SLCO4C1: variants seen among roughly 807,000 people sequenced by gnomAD.
The protein encoded by SLCO4C1 is organic anion transporter M1.
Under a neutral mutation model 72.1 loss-of-function variants are expected in SLCO4C1, and 58 were observed. The observed-to-expected ratio is 0.80, with a 90% CI of 0.65 to 1.00. The LOEUF (loss-of-function observed/expected upper bound fraction) is 1.00. Ranked by LOEUF, SLCO4C1 falls within the 50% of genes least tolerant of loss-of-function variation. SLCO4C1 has a pLI of 0.00. For synonymous variants in SLCO4C1, 297 were observed against 312.5 expected (o/e 0.95, Z 0.52); for missense variants, 898 against 857.9 (o/e 1.05, Z -0.58).
rs746119680 is a variant in SLCO4C1, at chr5:102,260,321, T to TA, written c.1022-3dup. ...TTCCAGCTTGAATTTCTGCTGTACC[T>TA]AAAAAAAAAATATATATATATATAT... is the stretch of plus-strand genomic sequence containing the variant. On this transcript the variant is annotated splice_polypyrimidine_tract_variant and splice_region_variant and intron_variant, in intron 5 of 12. Coordinates refer to ENST00000310954, the MANE Select transcript of SLCO4C1 (RefSeq NM_180991.5). The TA allele has an allele frequency of 6.2e-4, 253 of 405,860 alleles. No homozygotes were observed. Among genetic ancestry groups the TA allele is most frequent in the East Asian group, 8.5e-4 (14 of 16,414 alleles). 25.1% of individuals were successfully genotyped at this position (405,860 alleles called of 1,614,324 possible). A position where few individuals can be genotyped will look rare whatever the true frequency, so the allele number is the denominator to read the frequency against.
At chr5:102,269,620 T>C (rs529865593) in intron 3 of SLCO4C1, among the ~76,000 whole-genome samples, 3 of 152,270 alleles carry the variant, frequency 2.0e-5, no homozygotes, top group Admixed American at 6.5e-5. Context: ...TTTATCTGAG[T>C]TCCCTTGATA....
At chr5:102,274,399 A>T (rs1303263038) in intron 2 of SLCO4C1, among the ~76,000 whole-genome samples, 1 of 152,182 alleles carries the variant, frequency 6.6e-6, no homozygotes, top group Non-Finnish European at 1.5e-5. Flanking sequence ...AGACAAAAGG[A>T]AATCCACATA....
At chr5:102,274,784 C>G (rs1335084215) in intron 2 of SLCO4C1, among the ~76,000 whole-genome samples, 1 of 152,130 alleles carries the variant, frequency 6.6e-6, no homozygotes, top group African/African-American at 2.4e-5. Flanking sequence ...GGTAGCTGTA[C>G]TTTTCTTTCC....
chr5:102,258,765 CCA>C lies in SLCO4C1; in HGVS notation c.1129-680_1129-679del, dbSNP rs2112357544. On this transcript the variant is annotated intron_variant, in intron 6 of 12. Coordinates refer to ENST00000310954, the MANE Select transcript of SLCO4C1 (RefSeq NM_180991.5). ...AGCAAAACACAAACACACACACACACCACACACACACGGAGTCACAAAGGAGC... is the reference window on the plus strand; with the variant it reads ...AGCAAAACACAAACACACACACACACCACACACACGGAGTCACAAAGGAGC... Among the ~76,000 whole-genome samples, 3 of 151,298 alleles carry C rather than the reference CCA, an allele frequency of 2.0e-5. No individual in the cohort carries two copies. The East Asian group carries it at 5.8e-4, about 29-fold the overall frequency.
intron 2 of SLCO4C1, among the ~76,000 whole-genome samples, chr5:102,288,204 T>G (rs1043340003): frequency 6.6e-6 from 1 of 152,200 alleles, no homozygotes; most frequent in South Asian, 2.1e-4. Context: ...AACACGTATT[T>G]TGGGGATATA....
At chr5:102,282,982 T>C (rs1470989871) in intron 2 of SLCO4C1, among the ~76,000 whole-genome samples, 1 of 152,006 alleles carries the variant, frequency 6.6e-6, no homozygotes, top group Non-Finnish European at 1.5e-5. Context: ...TTCAAGATAT[T>C]TTCAAATGGC....
intron 2 of SLCO4C1, among the ~76,000 whole-genome samples, chr5:102,284,679 A>G (rs1392889976): frequency 1.3e-5 from 2 of 151,840 alleles, no homozygotes; most frequent in South Asian, 4.2e-4. Flanking sequence ...CATTTTTAAC[A>G]TATTCCTAAT....
intron 8 of SLCO4C1, among the ~76,000 whole-genome samples, chr5:102,255,395 C>A (rs767491621): frequency 3.4e-4 from 51 of 152,136 alleles, no homozygotes; most frequent in Admixed American, 1.7e-3. Flanking sequence ...GTTAAACTAT[C>A]CAGAACTTCC....
chr5:102,285,508 C>T (rs1351807163), intron 2 of SLCO4C1, among the ~76,000 whole-genome samples: 1 of 152,126 alleles, frequency 6.6e-6, no homozygotes, highest in Non-Finnish European at 1.5e-5. Context: ...TGGTCTCAAA[C>T]TCCTGGCCTC....
rs773846560 is a variant in SLCO4C1 at position 102,239,303 on chromosome 5, T to C, written c.1962A>G (p.Gly654=). 43 of 1,601,400 alleles carry C rather than the reference T, an allele frequency of 2.7e-5. No homozygotes were observed. Among genetic ancestry groups the C allele is most frequent in the Non-Finnish European group, 3.6e-5 (42 of 1,174,088 alleles). Residue 654 remains glycine, a synonymous_variant, in exon 12 of 13, where the codon GGA becomes GGG. Coordinates refer to ENST00000310954, the MANE Select transcript of SLCO4C1 (RefSeq NM_180991.5). ...TGATGTTATCATAAATCCAGCAAGC[T>C]CCTTTAATTCCACAATCATTTATAT... is the stretch of plus-strand genomic sequence containing the variant. ...LWDINDCGIK[G]ACWIYDNIKM...
chr5:102,247,133 G>T (rs1361843195), intron 10 of SLCO4C1, 119 bp downstream of exon 10: 14 of 645,434 alleles, frequency 2.2e-5, no homozygotes, highest in Non-Finnish European at 3.1e-5. Flanking sequence ...TAATGATCTT[G>T]TAAGGGCTGA....
chr5:102,250,175 C>T (rs1038406469), intron 8 of SLCO4C1, among the ~76,000 whole-genome samples: 3 of 152,196 alleles, frequency 2.0e-5, no homozygotes, highest in African/African-American at 7.2e-5. Context: ...TATCTCCATA[C>T]AGTGCCAAAT....
At chr5:102,248,068 T>G (rs989657043) in intron 9 of SLCO4C1, among the ~76,000 whole-genome samples, 22 of 151,334 alleles carry the variant, frequency 1.5e-4, no homozygotes, top group African/African-American at 5.4e-4. Flanking sequence ...AATTCAGCCT[T>G]TAAAAATTTT....
At chr5:102,247,172 C>A in intron 10 of SLCO4C1, 80 bp downstream of exon 10, 2 of 1,118,636 alleles carry the variant, frequency 1.8e-6, no homozygotes, top group Non-Finnish European at 2.5e-6. Flanking sequence ...TCAATATGAA[C>A]CCCAAATGAA....
chr5:102,251,215 G>A (rs17148203), intron 8 of SLCO4C1, among the ~76,000 whole-genome samples: 3,685 of 152,182 alleles, frequency 0.024, 164 homozygotes, highest in African/African-American at 0.085. Context: ...AAAGGTAATC[G>A]TTAAGGTATT....
intron 2 of SLCO4C1, among the ~76,000 whole-genome samples, chr5:102,286,288 A>G (rs13361155): frequency 1.3e-5 from 2 of 152,158 alleles, no homozygotes; most frequent in Non-Finnish European, 2.9e-5. Flanking sequence ...AAATAAAAAG[A>G]GCTTTACTAG....
At position 102,257,246 on chromosome 5, in the gene SLCO4C1, G is replaced by A; in HGVS notation, c.1338C>T (p.Phe446=). 2 of 1,609,478 alleles carry A rather than the reference G, an allele frequency of 1.2e-6. No homozygotes were observed. Among genetic ancestry groups the A allele is most frequent in the Non-Finnish European group, 1.7e-6 (2 of 1,178,226 alleles). The change falls in exon 8 of 13, where the codon TTC becomes TTT. Residue 446 remains phenylalanine, a synonymous_variant. Coordinates refer to ENST00000310954, the MANE Select transcript of SLCO4C1 (RefSeq NM_180991.5). The part of the protein sequence containing the change: ...QILGGFLVSK[F]RMTCKNTMKF... ...TCATTGTGTTTTTACATGTCATTCTGAATTTTGAAACAAGGAAGCCACCTA... is the reference window on the plus strand; with the variant it reads ...TCATTGTGTTTTTACATGTCATTCTAAATTTTGAAACAAGGAAGCCACCTA...
At chr5:102,294,125 T>C (rs1248938268) in intron 1 of SLCO4C1, among the ~76,000 whole-genome samples, 1 of 152,070 alleles carries the variant, frequency 6.6e-6, no homozygotes, top group African/African-American at 2.4e-5. Context: ...GCCAGGCTGG[T>C]CTCGAACTCC....
intron 10 of SLCO4C1, among the ~76,000 whole-genome samples, chr5:102,246,440 A>T (rs2112341605): frequency 6.6e-6 from 1 of 152,244 alleles, no homozygotes. Context: ...ACCTACCAAG[A>T]TGGAATCAAG....
Sources: gnomAD v4.1 joint callset for allele counts (sites outside exome capture counted in the v4.1 genomes callset) on GRCh38, gnomAD v4.1.1 for gene constraint, MANE v1.5 for transcripts, NCBI Gene and HGNC (gene_info 2026-07-23, HGNC 2026-07-21) for gene names.